The following HMCES variants were observed in gnomAD, a reference collection of about 807,000 sequenced individuals.
HMCES encodes 5-hydroxymethylcytosine binding, ES cell specific.
A neutral mutation model predicts 35.1 loss-of-function variants in HMCES; 27 were observed. The observed-to-expected ratio is 0.77, with a 90% confidence interval of 0.57 to 1.06. The LOEUF is 1.06. Among genes scored for constraint, HMCES ranks in the 50% least tolerant of loss-of-function variants. The probability of loss-of-function intolerance (pLI) is 0.00; values close to 1 mark genes in which losing one functional copy is unlikely to be tolerated. For missense variants in HMCES, 391 were observed against 430.4 expected, an observed-to-expected ratio of 0.91 and a Z score of 0.81; for synonymous variants, 130 against 154.7, an observed-to-expected ratio of 0.84 and a Z score of 1.18.
In HMCES at chr3:129,306,043, C is replaced by T. The variant is rs2071230148; in HGVS notation, c.*1218C>T. 1 of 152,260 alleles carries T rather than the reference C, an allele frequency of 6.6e-6. No individual in the cohort carries two copies. The highest frequency in any genetic ancestry group is 2.1e-4 in the South Asian group (1 of 4,836). The allele number at this position is 152,260 out of a possible 1,614,324, so 9.4% of individuals were successfully genotyped here. A position where few individuals can be genotyped will look rare whatever the true frequency, so the allele number is the denominator to read the frequency against. On this transcript the variant is annotated 3_prime_UTR_variant, in exon 7 of 7. Transcript: ENST00000383463. ...CGTAGTTGTACACTCAGTCACCCTG[C>T]ACTGTGGAGGCGGGGGCCTCCCTTG...
chr3:129,293,952 A>G (rs557697484), intron 4 of HMCES, among the ~76,000 whole-genome samples: 2 of 152,236 alleles, frequency 1.3e-5, no homozygotes, highest in East Asian at 3.9e-4. Flanking sequence ...TGTGTTTAGA[A>G]CATTTAATTT....
chr3:129,304,878 A>C lies in HMCES; in HGVS notation c.*53A>C. 7.3e-7 allele frequency: 1 copy of C among 1,373,118 alleles called. No individual in the cohort carries two copies. The allele number at this position is 1,373,118 out of a possible 1,614,324, so 85.1% of individuals were successfully genotyped here. On this transcript the variant is annotated 3_prime_UTR_variant, in exon 7 of 7. Coordinates refer to ENST00000383463, the MANE Select transcript of HMCES (RefSeq NM_020187.3). ...GGTCTGCTGCACTGCTGTTCTGATAATAGGTTCTTAACATTGTATGTATAT... is the reference window on the plus strand; with the variant it reads ...GGTCTGCTGCACTGCTGTTCTGATACTAGGTTCTTAACATTGTATGTATAT...
intron 2 of HMCES, among the ~76,000 whole-genome samples, chr3:129,286,221 C>T (rs1042215926): frequency 2.0e-5 from 3 of 152,118 alleles, no homozygotes; most frequent in African/African-American, 7.2e-5. Flanking sequence ...AATCCTAACC[C>T]CCAAGATGAT....
rs181779398 is a variant in HMCES, at chr3:129,298,673, T to C, written c.635+138T>C. The C allele has an allele frequency of 1.5e-4, 109 of 708,542 alleles. No individual in the cohort carries two copies. The African/African-American group carries it at 1.7e-3, about 11-fold the overall frequency. The allele number at this position is 708,542 out of a possible 1,614,324, so 43.9% of individuals were successfully genotyped here. On this transcript the variant is annotated intron_variant, in intron 5 of 6. Coordinates refer to ENST00000383463, the MANE Select transcript of HMCES (RefSeq NM_020187.3). ...CAATCAGTTTGACTCTAACATGACA[T>C]ACATTCCTAAAAATCACTGTACTAT...
chr3:129,288,183 G>GA (rs947734527), intron 2 of HMCES, among the ~76,000 whole-genome samples: 1 of 152,208 alleles, frequency 6.6e-6, no homozygotes, highest in African/African-American at 2.4e-5. Flanking sequence ...GCTGAAGCAG[G>GA]AGGATCACCT....
In HMCES at chr3:129,294,151, G is replaced by T. The variant is rs561786305; in HGVS notation, c.453+3347G>T. Reference sequence around the variant, plus strand: ...AAATGTCTTTAGGCCGGGCGCAGTGGCTTACAACTCTAATCCCAGCACTTT... The same window carrying T: ...AAATGTCTTTAGGCCGGGCGCAGTGTCTTACAACTCTAATCCCAGCACTTT... On this transcript the variant is annotated intron_variant, in intron 4 of 6. Transcript: ENST00000383463. Among the ~76,000 whole-genome samples, 11 of 152,198 alleles carry T rather than the reference G, an allele frequency of 7.2e-5. No individual in the cohort carries two copies. The South Asian group carries it at 2.3e-3, about 32-fold the overall frequency.
intron 5 of HMCES, among the ~76,000 whole-genome samples, chr3:129,299,429 C>T (rs1468574928): frequency 6.6e-6 from 1 of 152,078 alleles, no homozygotes; most frequent in Non-Finnish European, 1.5e-5. Context: ...TAGCCTTCTC[C>T]TCCAATTAAC....
At chr3:129,293,205 T>A (rs1256722164) in intron 4 of HMCES, among the ~76,000 whole-genome samples, 15 of 152,168 alleles carry the variant, frequency 9.9e-5, no homozygotes, top group Non-Finnish European at 2.9e-5. Context: ...TTGGTGTTTT[T>A]GTTTGTTTGT....
Position 129,302,259 on chromosome 3 carries a change from C to T in HMCES, c.828+117C>T, listed in dbSNP as rs555675647. 3.5e-6 allele frequency: 3 copies of T among 850,948 alleles called. No homozygotes were observed. The South Asian group carries it at 5.3e-5, about 15-fold the overall frequency. 52.7% of individuals were successfully genotyped at this position (850,948 alleles called of 1,614,324 possible). A position where few individuals can be genotyped will look rare whatever the true frequency, so the allele number is the denominator to read the frequency against. The stretch of plus-strand genomic sequence containing the variant: ...CCTTTAATTTGGACCATCAAAAGCT[C>T]TCATACTCCTTGTACACAGCAAGGT... On this transcript the variant is annotated intron_variant, in intron 6 of 6. Coordinates refer to ENST00000383463, the MANE Select transcript of HMCES (RefSeq NM_020187.3).
At chr3:129,300,321 G>T (rs2071147808) in intron 5 of HMCES, among the ~76,000 whole-genome samples, 1 of 152,098 alleles carries the variant, frequency 6.6e-6, no homozygotes, top group South Asian at 2.1e-4. Flanking sequence ...GCAGTTTTCT[G>T]TGTTCACCTT....
chr3:129,302,170 T>C (rs1376406259), intron 6 of HMCES, 28 bp downstream of exon 6: 1 of 1,548,562 alleles, frequency 6.5e-7, no homozygotes. Context: ...GTACAGTCCT[T>C]TTTGAGCTTT....
chr3:129,297,642 G>A (rs1255075543), intron 4 of HMCES, among the ~76,000 whole-genome samples: 2 of 152,104 alleles, frequency 1.3e-5, no homozygotes, highest in Non-Finnish European at 2.9e-5. Context: ...TAGCCTGTAC[G>A]CTGCTTGTAG....
intron 5 of HMCES, among the ~76,000 whole-genome samples, chr3:129,299,151 A>G (rs1372721701): frequency 1.3e-5 from 2 of 152,208 alleles, no homozygotes; most frequent in Admixed American, 6.5e-5. Flanking sequence ...CCATCTCAAT[A>G]AATACATACA....
chr3:129,288,357 A>G (rs1175084044), intron 2 of HMCES, among the ~76,000 whole-genome samples: 2 of 152,244 alleles, frequency 1.3e-5, no homozygotes, highest in African/African-American at 4.8e-5. Context: ...TCTAGTAAAT[A>G]TGATTGCTAA....
intron 6 of HMCES, among the ~76,000 whole-genome samples, chr3:129,302,457 G>A (rs1560078873): frequency 2.0e-5 from 3 of 152,230 alleles, no homozygotes; most frequent in Non-Finnish European, 4.4e-5. Context: ...GCTCACGCCT[G>A]TAATCCCAGC....
At chr3:129,291,886 T>A (rs1283126942) in intron 4 of HMCES, among the ~76,000 whole-genome samples, 2 of 151,700 alleles carry the variant, frequency 1.3e-5, no homozygotes, top group African/African-American at 4.8e-5. Flanking sequence ...AGCTCAGGAG[T>A]TCAAGACCAA....
At chr3:129,286,919 TAAA>T (rs1184911616) in intron 2 of HMCES, among the ~76,000 whole-genome samples, 1 of 152,148 alleles carries the variant, frequency 6.6e-6, no homozygotes, top group South Asian at 2.1e-4. Context: ...GCCCATTACT[TAAA>T]AAAAGTTTGA....
chr3:129,300,740 C>CA (rs1042251651), intron 5 of HMCES, among the ~76,000 whole-genome samples: 6 of 151,492 alleles, frequency 4.0e-5, no homozygotes, highest in African/African-American at 1.5e-4. Context: ...ACTAAAAATA[C>CA]AAAAAAATGG....
At chr3:129,284,870 C>T (rs900738883) in intron 2 of HMCES, among the ~76,000 whole-genome samples, 3 of 152,196 alleles carry the variant, frequency 2.0e-5, no homozygotes, top group African/African-American at 7.2e-5. Context: ...TGAGATCGTG[C>T]CACTGCACTC....
Sources: allele counts gnomAD v4.1 joint callset (sites outside exome capture counted in the v4.1 genomes callset), GRCh38; gene constraint gnomAD v4.1.1; transcripts MANE v1.5; gene names NCBI Gene and HGNC (gene_info 2026-07-23, HGNC 2026-07-21).